The following LDB2 variants were observed in gnomAD, a reference collection of about 807,000 sequenced individuals.
The protein encoded by LDB2 is LIM domain binding 2.
Under a neutral mutation model 44.3 loss-of-function variants are expected in LDB2, and 12 were observed. That is an observed-to-expected ratio of 0.27 (90% CI 0.17 to 0.44). The LOEUF is 0.44. Among genes scored for constraint, LDB2 ranks in the 20% least tolerant of loss-of-function variants. The pLI is 1.00. For missense variants in LDB2, 344 were observed against 473.5 expected (o/e 0.73, Z 2.54); for synonymous variants, 164 against 174.8 (o/e 0.94, Z 0.49).
chr4:16,690,194 T>C (rs28397816), intron 2 of LDB2, among the ~76,000 whole-genome samples: 103 of 152,230 alleles, frequency 6.8e-4, no homozygotes, highest in African/African-American at 2.3e-3. Flanking sequence ...ACACCAGCTA[T>C]TGCCAAGATT....
intron 2 of LDB2, among the ~76,000 whole-genome samples, chr4:16,669,479 T>C (rs1187658215): frequency 1.3e-5 from 2 of 152,252 alleles, no homozygotes; most frequent in African/African-American, 4.8e-5. Context: ...ATACCCTTGT[T>C]GATTATTTTC....
intron 1 of LDB2, among the ~76,000 whole-genome samples, chr4:16,786,006 C>T (rs78596365): frequency 0.013 from 1,948 of 152,142 alleles, 33 homozygotes; most frequent in East Asian, 0.078. Context: ...AAGGGACTCG[C>T]CTTAGAAAAA....
At chr4:16,747,342 A>G (rs1000872025) in intron 2 of LDB2, among the ~76,000 whole-genome samples, 3 of 152,252 alleles carry the variant, frequency 2.0e-5, no homozygotes, top group Non-Finnish European at 4.4e-5. Context: ...ATTCCAGTAC[A>G]GTGTCTAGAA....
At chr4:16,786,867 C>G (rs1178434804) in intron 1 of LDB2, among the ~76,000 whole-genome samples, 1 of 152,184 alleles carries the variant, frequency 6.6e-6, no homozygotes, top group Admixed American at 6.5e-5. Flanking sequence ...AAGCCCTGCA[C>G]ACTCTATTCC....
chr4:16,675,984 G>A (rs919949635), intron 2 of LDB2, among the ~76,000 whole-genome samples: 8 of 152,146 alleles, frequency 5.3e-5, no homozygotes, highest in African/African-American at 1.4e-4. Flanking sequence ...TTGGCATATT[G>A]GTAGGTGCCC....
chr4:16,626,381 C>T (rs1730292111), intron 2 of LDB2, among the ~76,000 whole-genome samples: 1 of 152,164 alleles, frequency 6.6e-6, no homozygotes, highest in Admixed American at 6.5e-5. Context: ...TTTGCAGTGG[C>T]AGAATGTCAC....
At chr4:16,561,823 T>C (rs1244899357) in intron 5 of LDB2, among the ~76,000 whole-genome samples, 1 of 152,128 alleles carries the variant, frequency 6.6e-6, no homozygotes, top group African/African-American at 2.4e-5. Flanking sequence ...CAAACTATAC[T>C]ACAGGCTACA....
At chr4:16,718,897 T>C (rs1201952578) in intron 2 of LDB2, among the ~76,000 whole-genome samples, 1 of 152,118 alleles carries the variant, frequency 6.6e-6, no homozygotes, top group African/African-American at 2.4e-5. Flanking sequence ...AGAATATCTG[T>C]AGACTACTTG....
At chr4:16,874,727 C>T (rs1717851517) in intron 1 of LDB2, among the ~76,000 whole-genome samples, 1 of 152,212 alleles carries the variant, frequency 6.6e-6, no homozygotes, top group African/African-American at 2.4e-5. Flanking sequence ...ATCTCACCAA[C>T]ATCCTTGGTG....
intron 5 of LDB2, among the ~76,000 whole-genome samples, chr4:16,574,167 C>G (rs1747556939): frequency 6.6e-6 from 1 of 152,158 alleles, no homozygotes; most frequent in Admixed American, 6.5e-5. Context: ...TCTTCATTCA[C>G]TTGGGAAATT....
chr4:16,696,893 G>A (rs1307459268), intron 2 of LDB2, among the ~76,000 whole-genome samples: 2 of 152,080 alleles, frequency 1.3e-5, no homozygotes, highest in Non-Finnish European at 2.9e-5. Flanking sequence ...GTCTGGAGTG[G>A]TGCCGGAAGA....
Position 16,895,614 on chromosome 4 carries a change from C to A in LDB2, c.132+2740G>T, listed in dbSNP as rs1238135149. 4.6e-5 allele frequency among the ~76,000 whole-genome samples: 7 copies of A among 151,692 alleles called. No homozygotes were observed. In the South Asian group the frequency reaches 1.5e-3, roughly 32 times the overall value. The stretch of plus-strand genomic sequence containing the variant: ...AATACTATATACTATAGGAGTGGGA[C>A]CAGAAGAGAGAGAGGAAGAGAGAGA... On this transcript the variant is annotated intron_variant, in intron 1 of 7. Coordinates refer to ENST00000304523, the MANE Select transcript of LDB2 (RefSeq NM_001290.5).
chr4:16,570,971 A>G (rs1260051726), intron 5 of LDB2, among the ~76,000 whole-genome samples: 1 of 152,182 alleles, frequency 6.6e-6, no homozygotes, highest in Non-Finnish European at 1.5e-5. Context: ...CCAAGGCTCT[A>G]CAGCTAGTTA....
chr4:16,790,600 C>T (rs774825875), intron 1 of LDB2, among the ~76,000 whole-genome samples: 3 of 151,518 alleles, frequency 2.0e-5, no homozygotes, highest in East Asian at 4.0e-4. Flanking sequence ...CCTAAGGATG[C>T]GTTTTTCAGA....
At chr4:16,658,611 C>A (rs1740585910) in intron 2 of LDB2, among the ~76,000 whole-genome samples, 1 of 151,888 alleles carries the variant, frequency 6.6e-6, no homozygotes, top group Non-Finnish European at 1.5e-5. Flanking sequence ...TAAACATTGG[C>A]AATTAATTTA....
intron 5 of LDB2, among the ~76,000 whole-genome samples, chr4:16,519,211 T>G (rs1725025422): frequency 6.6e-6 from 1 of 152,224 alleles, no homozygotes; most frequent in African/African-American, 2.4e-5. Flanking sequence ...ATGCCTAGTC[T>G]ATGTCTATCC....
chr4:16,684,897 C>T lies in LDB2; in HGVS notation c.235+74261G>A, dbSNP rs543540679. On this transcript the variant is annotated intron_variant, in intron 2 of 7. Coordinates refer to ENST00000304523, the MANE Select transcript of LDB2 (RefSeq NM_001290.5). ...TATTGTCTCTTTTACAGATACTCTA[C>T]TTTGTATTTATAGCTATGAAATGTA... Among the ~76,000 whole-genome samples, 22 of 152,278 alleles carry T rather than the reference C, an allele frequency of 1.4e-4. No individual in the cohort carries two copies. The South Asian group carries it at 2.5e-3, about 17-fold the overall frequency.
At chr4:16,742,359 C>A (rs960294943) in intron 2 of LDB2, among the ~76,000 whole-genome samples, 1 of 152,106 alleles carries the variant, frequency 6.6e-6, no homozygotes. Context: ...CCTTAGCCAC[C>A]GCGCCCAGCC....
At chr4:16,889,062 G>GTCTC (rs200868279) in intron 1 of LDB2, among the ~76,000 whole-genome samples, 2 of 146,302 alleles carry the variant, frequency 1.4e-5, no homozygotes, top group Admixed American at 6.8e-5. Context: ...TAGGACAAAT[G>GTCTC]TCTCTCTCTC....
Sources: allele counts gnomAD v4.1 joint callset (sites outside exome capture counted in the v4.1 genomes callset), GRCh38; gene constraint gnomAD v4.1.1; transcripts MANE v1.5; gene names NCBI Gene and HGNC (gene_info 2026-07-23, HGNC 2026-07-21).